Variants in LRP1 observed in about 807,000 individuals in gnomAD.
LRP1 encodes the protein LDL receptor related protein 1.
LRP1 carries 51 observed loss-of-function variants against 541.5 expected under a neutral mutation model. The observed-to-expected ratio is 0.09, with a 90% CI of 0.08 to 0.12. The LOEUF (loss-of-function observed/expected upper bound fraction) is 0.12, where lower values mean the gene tolerates loss of function less well. LRP1 is among the 10% of genes least tolerant of loss of function. LRP1 has a pLI of 1.00. For synonymous variants in LRP1, 2,219 were observed against 2,470.8 expected (o/e 0.90, Z 3.02); for missense variants, 3,878 against 6,376.2 (o/e 0.61, Z 13.34).
intron 6 of LRP1, 51 bp downstream of exon 6, chr12:57,145,541 GGAAGGTGGA>G: frequency 6.3e-7 from 1 of 1,594,054 alleles, no homozygotes; most frequent in Non-Finnish European, 8.5e-7. Flanking sequence ...GGGGAGACAG[GGAAGGTGGA>G]CCCTATCTTG....
At chr12:57,208,357 T>C in intron 77 of LRP1, 141 bp downstream of exon 77, 3 of 909,520 alleles carry the variant, frequency 3.3e-6, no homozygotes, top group Non-Finnish European at 4.9e-6. Flanking sequence ...TTGGGTCTTC[T>C]CGGCCACCCC....
rs2035289697 is a variant in LRP1 at position 57,141,467 on chromosome 12, T to C, written c.284T>C (p.Val95Ala). The C allele has an allele frequency of 6.2e-7, 1 of 1,614,112 alleles. No individual in the cohort carries two copies. The highest frequency in any genetic ancestry group is 8.5e-7 in the Non-Finnish European group (1 of 1,180,024). ...CVPMSRLCNG[V>A]QDCMDGSDEG... ...CCCATGTCCCGCCTCTGCAATGGGG[T>C]CCAGGACTGCATGGACGGCTCAGAT... Residue 95 changes from valine to alanine, a missense_variant, in exon 3 of 89, where the codon GTC (valine) becomes GCC (alanine). Physicochemically the swap from Val to Ala is moderately conservative, Grantham distance 64. Around this residue, in one of 13 missense-constraint regions of LRP1, gnomAD observed 293 missense variants for 403.7 expected, o/e 0.73. Transcript: ENST00000243077.
intron 2 of LRP1, 111 bp from the exon 3 acceptor site, chr12:57,141,263 G>C (rs926774524): frequency 8.0e-7 from 1 of 1,255,978 alleles, no homozygotes; most frequent in Non-Finnish European, 1.1e-6. Flanking sequence ...TAGCCCCGAG[G>C]CCTCCTGAGA....
intron 80 of LRP1, 65 bp downstream of exon 80, chr12:57,209,933 G>A (rs905724290): frequency 6.3e-7 from 1 of 1,597,038 alleles, no homozygotes; most frequent in Non-Finnish European, 8.5e-7. Context: ...TCCAAGCTGT[G>A]GCCCTGGGAC....
rs191990412 is a variant in LRP1, at chr12:57,207,361, G to A, written c.11859+620G>A. Among the ~76,000 whole-genome samples, 3 of 146,644 alleles carry A rather than the reference G, an allele frequency of 2.0e-5. No homozygotes were observed. The East Asian group carries it at 6.0e-4, about 29-fold the overall frequency. ...ATAAAAATACAAAGATTAGCCAGGC[G>A]TGGTGGCGGGCGCCTGTAATCCCAG... On this transcript the variant is annotated intron_variant, in intron 76 of 88. Coordinates refer to ENST00000243077, the MANE Select transcript of LRP1 (RefSeq NM_002332.3).
chr12:57,185,899 A>G lies in LRP1; in HGVS notation c.6832A>G (p.Ile2278Val), dbSNP rs764383771. The change falls in exon 41 of 89, where the codon ATT becomes GTT. Residue 2278 changes from isoleucine (I) to valine (V), a missense_variant. Physicochemically the swap from Ile to Val is conservative, Grantham distance 29 (BLOSUM62 3). Transcript: ENST00000243077. The surrounding 1 kb of genome is among the most constrained non-coding windows in gnomAD (Gnocchi z 4.9). ...INDDGSRRITIVENVGSVEGL... is the reference protein window; with the variant it reads ...INDDGSRRITVVENVGSVEGL... Reference sequence around the variant, plus strand: ...CGACGATGGCTCCAGGAGGATCACCATTGTGGAAAGTGAGCCCAGACCCTA... The same window carrying G: ...CGACGATGGCTCCAGGAGGATCACCGTTGTGGAAAGTGAGCCCAGACCCTA... 1.2e-6 allele frequency: 2 copies of G among 1,612,660 alleles called. No homozygotes were observed. Among genetic ancestry groups the G allele is most frequent in the Non-Finnish European group, 1.7e-6 (2 of 1,178,978 alleles).
At position 57,177,738 on chromosome 12, in the gene LRP1, A is replaced by G; in HGVS notation, c.4361+147A>G. On this transcript the variant is annotated intron_variant, in intron 26 of 88. Coordinates refer to ENST00000243077, the MANE Select transcript of LRP1 (RefSeq NM_002332.3). This position sits in a 1 kb window ranked among gnomAD's most constrained non-coding sequence, Gnocchi z 6.8. ...AAGGACTGGGCACAGGAGGAGGAGG[A>G]CGGAGGGGCGTGGGGAGGCCAGGGC... 1.0e-6 allele frequency: 1 copy of G among 976,746 alleles called. No homozygotes were observed. Among genetic ancestry groups the G allele is most frequent in the Non-Finnish European group, 1.5e-6 (1 of 665,846 alleles). The allele number at this position is 976,746 out of a possible 1,614,324, so 60.5% of individuals were successfully genotyped here.
chr12:57,185,601 G>T lies in LRP1; in HGVS notation c.6534G>T (p.Arg2178=), dbSNP rs2036254045. The T allele has an allele frequency of 6.2e-7, 1 of 1,608,936 alleles. No individual in the cohort carries two copies. Among genetic ancestry groups the T allele is most frequent in the South Asian group, 1.1e-5 (1 of 91,064 alleles). ...QLCLYRGRGQ[R]ACACAHGMLA... ...GCCTGTACCGGGGCCGTGGGCAGCG[G>T]GCCTGCGCCTGTGCCCACGGGATGC... The change falls in exon 41 of 89, where the codon CGG becomes CGT. Residue 2178 remains arginine, a synonymous_variant. Transcript: ENST00000243077. This position sits in a 1 kb window ranked among gnomAD's most constrained non-coding sequence, Gnocchi z 4.9.
intron 20 of LRP1, among the ~76,000 whole-genome samples, chr12:57,171,045 ATC>A (rs977959272): frequency 2.6e-5 from 4 of 152,104 alleles, no homozygotes; most frequent in Non-Finnish European, 5.9e-5. Context: ...CTCCAGGGCT[ATC>A]TCTGTGAAGG....
Position 57,193,585 on chromosome 12 carries a change from G to A in LRP1, c.7704G>A (p.Lys2568=). 6.2e-7 allele frequency: 1 copy of A among 1,614,138 alleles called. No homozygotes were observed. Among genetic ancestry groups the A allele is most frequent in the Non-Finnish European group, 8.5e-7 (1 of 1,180,002 alleles). The stretch of plus-strand genomic sequence containing the variant: ...TTGCAGACTCCCGCCGCTGCAAGAA[G>A]ACTTTCCGGCAGTGCAGCAATGGGC... ...PSYCNSRRCK[K]TFRQCSNGRC... Residue 2568 remains lysine (K), a synonymous_variant, in exon 47 of 89, where the codon AAG becomes AAA. Coordinates refer to ENST00000243077, the MANE Select transcript of LRP1 (RefSeq NM_002332.3).
At chr12:57,160,547 C>T (rs1348751466) in intron 12 of LRP1, among the ~76,000 whole-genome samples, 2 of 152,090 alleles carry the variant, frequency 1.3e-5, no homozygotes, top group South Asian at 2.1e-4. Flanking sequence ...ACCTGCAGCC[C>T]GGTCACTCTC....
chr12:57,209,502 A>G (rs1565757245), intron 79 of LRP1, among the ~76,000 whole-genome samples, 190 bp from the exon 80 acceptor site: 1 of 152,236 alleles, frequency 6.6e-6, no homozygotes, highest in African/African-American at 2.4e-5. Context: ...GACTGACCCC[A>G]GAAGTCTGGG....
intron 51 of LRP1, 53 bp downstream of exon 51, chr12:57,195,154 C>T (rs1192473245): frequency 1.3e-6 from 2 of 1,595,846 alleles, no homozygotes; most frequent in African/African-American, 1.3e-5. Context: ...GGACAGACCC[C>T]ACCCAACTCC....
At chr12:57,181,320 G>T (rs34419945) in intron 34 of LRP1, 29 bp downstream of exon 34, 204 of 1,597,142 alleles carry the variant, frequency 1.3e-4, no homozygotes, top group Non-Finnish European at 1.7e-4. Flanking sequence ...TCCCAGCCTT[G>T]TCCCAGCTCC....
At chr12:57,171,436 G>A (rs1347774265) in intron 20 of LRP1, among the ~76,000 whole-genome samples, 3 of 152,204 alleles carry the variant, frequency 2.0e-5, no homozygotes, top group African/African-American at 7.2e-5. Flanking sequence ...TCCGTAGGGT[G>A]ACAGTGGGGC....
intron 43 of LRP1, 143 bp downstream of exon 43, chr12:57,191,152 A>G: frequency 1.8e-6 from 2 of 1,122,004 alleles, no homozygotes; most frequent in Non-Finnish European, 2.6e-6. Flanking sequence ...GCCTCGGTCA[A>G]CCCCACCCTG....
At chr12:57,132,857 C>T (rs1267806810) in intron 1 of LRP1, among the ~76,000 whole-genome samples, 1 of 152,166 alleles carries the variant, frequency 6.6e-6, no homozygotes, top group Admixed American at 6.5e-5. Flanking sequence ...TTCCCACTCA[C>T]CCCCTGGCTC....
intron 13 of LRP1, among the ~76,000 whole-genome samples, chr12:57,161,774 C>A (rs1375540477): frequency 6.6e-6 from 1 of 152,114 alleles, no homozygotes; most frequent in African/African-American, 2.4e-5. Flanking sequence ...TGCTCAGGGG[C>A]TACCTCCCCT....
intron 6 of LRP1, among the ~76,000 whole-genome samples, chr12:57,153,936 G>A (rs1294547155): frequency 6.6e-6 from 1 of 151,922 alleles, no homozygotes; most frequent in Non-Finnish European, 1.5e-5. Flanking sequence ...ACTGGACTGA[G>A]CTAGTGGACC....
Sources: allele counts gnomAD v4.1 joint callset (sites outside exome capture counted in the v4.1 genomes callset), GRCh38; gene constraint gnomAD v4.1.1; regional missense constraint gnomAD v4.1.1; non-coding constraint Gnocchi (gnomAD v3.1); transcripts MANE v1.5; gene names NCBI Gene and HGNC (gene_info 2026-07-23, HGNC 2026-07-21).